Variants in GPC3 observed in about 807,000 individuals in gnomAD.
GPC3 encodes the protein glypican-3.
A neutral mutation model predicts 34.4 loss-of-function variants in GPC3; 3 were observed. That is an observed-to-expected ratio of 0.09 (90% CI 0.04 to 0.23). The LOEUF is 0.23. Ranked by LOEUF, GPC3 falls within the 10% of genes least tolerant of loss-of-function variation. The pLI is 1.00. For missense variants in GPC3, 351 were observed against 445.6 expected, an observed-to-expected ratio of 0.79 and a Z score of 1.91; for synonymous variants, 177 against 174.0, an observed-to-expected ratio of 1.02 and a Z score of -0.13.
At chrX:133,591,623 A>G (rs1173224263) in intron 7 of GPC3, among the ~76,000 whole-genome samples, 1 of 112,127 alleles carries the variant, frequency 8.9e-6, no homozygotes, top group Non-Finnish European at 1.9e-5. Context: ...ATCATGCCTA[A>G]CAAATTGACT....
intron 2 of GPC3, among the ~76,000 whole-genome samples, chrX:133,945,963 T>C (rs1205792516): frequency 1.8e-5 from 2 of 111,237 alleles, no homozygotes; most frequent in Non-Finnish European, 3.8e-5. Flanking sequence ...TCTACTCCCC[T>C]TGGAAAACTG....
intron 2 of GPC3, among the ~76,000 whole-genome samples, chrX:133,812,019 T>C (rs2075668533): frequency 8.9e-6 from 1 of 112,136 alleles, no homozygotes; most frequent in Admixed American, 9.5e-5. Flanking sequence ...ATATCCTCTT[T>C]TTCTGGGACT....
At chrX:133,739,839 C>T (rs746796937) in intron 3 of GPC3, among the ~76,000 whole-genome samples, 50 of 111,752 alleles carry the variant, frequency 4.5e-4, no homozygotes, top group Non-Finnish European at 8.5e-4. Context: ...GCCGAGACGG[C>T]GCCACTGCAC....
intron 2 of GPC3, among the ~76,000 whole-genome samples, chrX:133,923,844 A>G (rs952985511): frequency 8.9e-6 from 1 of 112,409 alleles, no homozygotes; most frequent in Non-Finnish European, 1.9e-5. Flanking sequence ...AAATAAGCAG[A>G]TGACTCTCGG....
intron 2 of GPC3, among the ~76,000 whole-genome samples, chrX:133,883,570 G>T (rs2076050909): frequency 8.9e-6 from 1 of 111,897 alleles, no homozygotes; most frequent in Non-Finnish European, 1.9e-5. Flanking sequence ...TAAGTTGAAG[G>T]ATAACAGCAA....
At chrX:133,738,548 C>T (rs185431190) in intron 3 of GPC3, among the ~76,000 whole-genome samples, 6 of 111,696 alleles carry the variant, frequency 5.4e-5, no homozygotes, top group African/African-American at 1.9e-4. Context: ...CATTTTTATA[C>T]CCAACCTAAA....
At position 133,721,047 on chromosome X, in the gene GPC3, T is replaced by A. The variant is rs866503703; in HGVS notation, c.1033-21019A>T. ...CAAAAACTATTGAAATAAAAATTTTTAAAAAATAATGAGAAGGGAGATCCC... is the reference window on the plus strand; with the variant it reads ...CAAAAACTATTGAAATAAAAATTTTAAAAAAATAATGAGAAGGGAGATCCC... On this transcript the variant is annotated intron_variant, in intron 3 of 7. Coordinates refer to ENST00000370818, the MANE Select transcript of GPC3 (RefSeq NM_004484.4). Among the ~76,000 whole-genome samples the A allele has an allele frequency of 1.1e-4, 12 of 108,397 alleles. No individual in the cohort carries two copies. In the Admixed American group the frequency reaches 1.2e-3, roughly 11 times the overall value. The allele number at this position is 108,397 out of a possible 115,157, so 94.1% of individuals were successfully genotyped here.
chrX:133,733,691 G>C (rs1385198726), intron 3 of GPC3, among the ~76,000 whole-genome samples: 2 of 110,387 alleles, frequency 1.8e-5, no homozygotes, highest in Non-Finnish European at 3.8e-5. Context: ...ACTATAATCA[G>C]GAATGAAAGA....
intron 6 of GPC3, among the ~76,000 whole-genome samples, chrX:133,651,231 T>C (rs1469019577): frequency 9.2e-6 from 1 of 109,281 alleles, no homozygotes; most frequent in African/African-American, 3.3e-5. Context: ...TCGCCCAGGC[T>C]GGAGTGCAGT....
chrX:133,630,811 A>T (rs181176623), intron 6 of GPC3, among the ~76,000 whole-genome samples: 2 of 112,139 alleles, frequency 1.8e-5, no homozygotes, highest in East Asian at 5.6e-4. Flanking sequence ...TGTCTCCTTG[A>T]AATCAAATGT....
At chrX:133,984,922 G>A (rs1452377187) in intron 1 of GPC3, among the ~76,000 whole-genome samples, 1 of 111,336 alleles carries the variant, frequency 9.0e-6, no homozygotes, top group African/African-American at 3.3e-5. Context: ...GCAAATTCAT[G>A]AGGCACCAGC....
At position 133,754,121 on chromosome X, in the gene GPC3, C is replaced by G; in HGVS notation, c.393G>C (p.Lys131Asn). ...GTGGAGTCAGGCTTGGGTAGTTGTTCTTGAACATGGCATTGGTGTAGTTCT... is the reference window on the plus strand; with the variant it reads ...GTGGAGTCAGGCTTGGGTAGTTGTTGTTGAACATGGCATTGGTGTAGTTCT... ...HAKNYTNAMF[K>N]NNYPSLTPQA... The change falls in exon 3 of 8, where the codon AAG (lysine) becomes AAC (asparagine). Residue 131 changes from lysine (K) to asparagine (N), a missense_variant. Lys to Asn is a moderately conservative substitution (Grantham distance 94, BLOSUM62 0). Coordinates refer to ENST00000370818, the MANE Select transcript of GPC3 (RefSeq NM_004484.4). 1 of 1,206,722 alleles carries G rather than the reference C, an allele frequency of 8.3e-7. No individual in the cohort carries two copies. The highest frequency in any genetic ancestry group is 3.0e-5 in the East Asian group (1 of 33,720).
chrX:133,595,619 CT>C (rs1262100432), intron 7 of GPC3, among the ~76,000 whole-genome samples: 1 of 111,001 alleles, frequency 9.0e-6, no homozygotes, highest in African/African-American at 3.3e-5. Flanking sequence ...CAACCACTGC[CT>C]CCTGGACTGA....
chrX:133,625,162 A>T (rs983560257), intron 6 of GPC3, among the ~76,000 whole-genome samples: 1 of 111,916 alleles, frequency 8.9e-6, no homozygotes, highest in Non-Finnish European at 1.9e-5. Context: ...GATGGGACGT[A>T]TCTCAAAATA....
At chrX:133,545,245 G>A (rs759437756) in intron 7 of GPC3, among the ~76,000 whole-genome samples, 6 of 111,623 alleles carry the variant, frequency 5.4e-5, no homozygotes, top group South Asian at 3.8e-4. Context: ...GGGTTAACAC[G>A]GTCAAATGTT....
chrX:133,939,949 C>T (rs2076338026), intron 2 of GPC3, among the ~76,000 whole-genome samples: 1 of 111,122 alleles, frequency 9.0e-6, no homozygotes, highest in Admixed American at 9.6e-5. Context: ...GGAAAAGAAG[C>T]CTAAATCTTT....
intron 2 of GPC3, among the ~76,000 whole-genome samples, chrX:133,869,762 G>C (rs1009221770): frequency 9.0e-6 from 1 of 111,204 alleles, no homozygotes; most frequent in Non-Finnish European, 1.9e-5. Context: ...GACCATCCTG[G>C]CTAACACGGT....
chrX:133,915,112 T>C (rs1022689763), intron 2 of GPC3, among the ~76,000 whole-genome samples: 1 of 108,601 alleles, frequency 9.2e-6, no homozygotes, highest in Non-Finnish European at 1.9e-5. Flanking sequence ...TTCCATTGTA[T>C]GGATGTACCA....
intron 2 of GPC3, among the ~76,000 whole-genome samples, chrX:133,887,131 C>T (rs548054314): frequency 3.6e-5 from 4 of 111,982 alleles, no homozygotes; most frequent in Admixed American, 9.5e-5. Flanking sequence ...CTCAGCCTCC[C>T]GAGCAGATGG....
Sources: allele counts gnomAD v4.1 joint callset (sites outside exome capture counted in the v4.1 genomes callset), GRCh38; gene constraint gnomAD v4.1.1; transcripts MANE v1.5; gene names NCBI Gene and HGNC (gene_info 2026-07-23, HGNC 2026-07-21).